ZBTB24: variants seen among roughly 807,000 people sequenced by gnomAD.
ZBTB24 encodes the protein zinc finger and BTB domain containing 24.
Under a neutral mutation model 53.8 loss-of-function variants are expected in ZBTB24, and 32 were observed. The observed-to-expected ratio is 0.60, with a 90% CI of 0.45 to 0.80. The LOEUF (loss-of-function observed/expected upper bound fraction) is 0.80, where lower values mean the gene tolerates loss of function less well. Ranked by LOEUF, ZBTB24 falls within the 30% of genes least tolerant of loss-of-function variation. ZBTB24 has a pLI of 0.00. For missense variants in ZBTB24, 722 were observed against 837.1 expected, an observed-to-expected ratio of 0.86 and a Z score of 1.70; for synonymous variants, 297 against 306.7, an observed-to-expected ratio of 0.97 and a Z score of 0.33.
Position 109,464,349 on chromosome 6 carries a change from T to C in ZBTB24, c.*1502A>G, listed in dbSNP as rs1775981623. 1 of 152,208 alleles carries C rather than the reference T, an allele frequency of 6.6e-6. No homozygotes were observed. The highest frequency in any genetic ancestry group is 1.5e-5 in the Non-Finnish European group (1 of 68,028). 9.4% of individuals were successfully genotyped at this position (152,208 alleles called of 1,614,324 possible). Reference sequence around the variant, plus strand: ...ATTACTCTAACCTCCAAATAACTTATTTGATTTAGGGAGAAATCAAGGATG... The same window carrying C: ...ATTACTCTAACCTCCAAATAACTTACTTGATTTAGGGAGAAATCAAGGATG... On this transcript the variant is annotated 3_prime_UTR_variant, in exon 7 of 7. Coordinates refer to ENST00000230122, the MANE Select transcript of ZBTB24 (RefSeq NM_014797.3).
chr6:109,480,825 C>T (rs1776389047), intron 2 of ZBTB24: 1 of 606,384 alleles, frequency 1.6e-6, no homozygotes, highest in East Asian at 1.4e-4. Flanking sequence ...AACTTGGTTG[C>T]TTCATCTGTA....
Position 109,481,652 on chromosome 6 carries a change from G to A in ZBTB24, c.375C>T (p.Tyr125=), listed in dbSNP as rs1776418839. Residue 125 remains tyrosine, a synonymous_variant, in exon 2 of 7, where the codon TAC becomes TAT. Coordinates refer to ENST00000230122, the MANE Select transcript of ZBTB24 (RefSeq NM_014797.3). ...FLKVYDLVKA[Y]TDFQNNHSSP... ...AGCTATGATTATTTTGGAAGTCTGT[G>A]TAAGCCTTTACCAGGTCATAGACTT... 3 of 1,614,228 alleles carry A rather than the reference G, an allele frequency of 1.9e-6. No individual in the cohort carries two copies. The highest frequency in any genetic ancestry group is 4.5e-5 in the East Asian group (2 of 44,894).
chr6:109,481,051 A>C, intron 2 of ZBTB24, 24 bp downstream of exon 2: 2 of 1,611,402 alleles, frequency 1.2e-6, no homozygotes, highest in Non-Finnish European at 1.7e-6. Context: ...AACACACTGC[A>C]ATCAGCTTTG....
intron 5 of ZBTB24, among the ~76,000 whole-genome samples, chr6:109,471,020 A>G (rs115849030): frequency 0.014 from 2,168 of 152,366 alleles, 52 homozygotes; most frequent in African/African-American, 0.049. Context: ...AATGCTGCCT[A>G]TGATGAATAT....
At chr6:109,479,486 A>G (rs1776350576) in intron 2 of ZBTB24, among the ~76,000 whole-genome samples, 1 of 152,228 alleles carries the variant, frequency 6.6e-6, no homozygotes, top group African/African-American at 2.4e-5. Flanking sequence ...CTGCTTTCAC[A>G]CTATTGTAAA....
In ZBTB24 at chr6:109,476,144, C is replaced by G. The variant is rs774717724; in HGVS notation, c.1204+31G>C. The stretch of plus-strand genomic sequence containing the variant: ...ACAATTCTTATTTGCATTTCTTCCC[C>G]CCCAATCTAAATGTTCTCACTTTAT... On this transcript the variant is annotated intron_variant, in intron 4 of 6. Coordinates refer to ENST00000230122, the MANE Select transcript of ZBTB24 (RefSeq NM_014797.3). The G allele has an allele frequency of 4.4e-6, 7 of 1,607,380 alleles. No homozygotes were observed. In the Admixed American group the frequency reaches 6.7e-5, roughly 15 times the overall value.
Position 109,482,014 on chromosome 6 carries a change from A to C in ZBTB24, c.13T>G (p.Ser5Ala), listed in dbSNP as rs747833972. 5.0e-6 allele frequency: 8 copies of C among 1,614,086 alleles called. No individual in the cohort carries two copies. Among genetic ancestry groups the C allele is most frequent in the Non-Finnish European group, 6.8e-6 (8 of 1,180,024 alleles). The change falls in exon 2 of 7, where the codon TCG becomes GCG. Residue 5 changes from serine (S) to alanine (A), a missense_variant. Ser to Ala is a moderately conservative substitution (Grantham distance 99). Coordinates refer to ENST00000230122, the MANE Select transcript of ZBTB24 (RefSeq NM_014797.3). Reference sequence around the variant, plus strand: ...ACAAGCTGCCCAGAAGGCTCTGGCGATGTTTCTGCCATTTTCTTCAGAAGC... The same window carrying C: ...ACAAGCTGCCCAGAAGGCTCTGGCGCTGTTTCTGCCATTTTCTTCAGAAGC... The part of the protein sequence containing the change: MAET[S>A]PEPSGQLVVH...
At position 109,465,531 on chromosome 6, in the gene ZBTB24, T is replaced by G; in HGVS notation, c.*320A>C. The G allele has an allele frequency of 1.0e-6, 1 of 983,108 alleles. No individual in the cohort carries two copies. Among genetic ancestry groups the G allele is most frequent in the Non-Finnish European group, 1.5e-6 (1 of 674,758 alleles). The allele number at this position is 983,108 out of a possible 1,614,324, so 60.9% of individuals were successfully genotyped here. A position where few individuals can be genotyped will look rare whatever the true frequency, so the allele number is the denominator to read the frequency against. On this transcript the variant is annotated 3_prime_UTR_variant, in exon 7 of 7. Transcript: ENST00000230122. ...GGTTGGCAAGACCATAACCTATGGC[T>G]GTGAACATTTAAACCTTACAGAAAA...
Position 109,465,934 on chromosome 6 carries a change from G to A in ZBTB24, c.2011C>T (p.Leu671=). Residue 671 remains leucine (L), a synonymous_variant, in exon 7 of 7, where the codon CTG becomes TTG. Coordinates refer to ENST00000230122, the MANE Select transcript of ZBTB24 (RefSeq NM_014797.3). ...ATSTSDPAQH[L]QLTQEPGPPP... ...GGACCAGGCTCCTGTGTCAGCTGCA[G>A]GTGCTGAGCTGGATCTGAAGTACTT... The A allele has an allele frequency of 1.2e-6, 2 of 1,614,208 alleles. No homozygotes were observed. The highest frequency in any genetic ancestry group is 1.7e-6 in the Non-Finnish European group (2 of 1,180,040).
chr6:109,481,095 A>C lies in ZBTB24; in HGVS notation c.932T>G (p.Ile311Ser). The change falls in exon 2 of 7, where the codon ATC becomes AGC. Residue 311 changes from isoleucine to serine, a missense_variant. By Grantham distance (142) the Ile-to-Ser change is moderately radical. Transcript: ENST00000230122. ...KVFKYNHFLA[I>S]HQRSHTGERP... ...ATTACCTGTGTGGCTCCTCTGGTGG[A>C]TTGCTAAAAAGTGATTGTACTTAAA... 1 of 1,614,130 alleles carries C rather than the reference A, an allele frequency of 6.2e-7. No homozygotes were observed. The highest frequency in any genetic ancestry group is 2.2e-5 in the East Asian group (1 of 44,886).
chr6:109,480,982 C>G (rs1776393053), intron 2 of ZBTB24, 93 bp downstream of exon 2: 2 of 1,559,904 alleles, frequency 1.3e-6, no homozygotes, highest in Non-Finnish European at 1.7e-6. Flanking sequence ...CAATGCCCAT[C>G]ACACAGAAGT....
intron 3 of ZBTB24, 109 bp downstream of exon 3, chr6:109,476,654 C>A: frequency 7.0e-7 from 1 of 1,437,070 alleles, no homozygotes; most frequent in Non-Finnish European, 9.5e-7. Flanking sequence ...TTCAATGACA[C>A]CACGTTGGAA....
chr6:109,477,416 G>T (rs1302601871), intron 2 of ZBTB24, among the ~76,000 whole-genome samples: 1 of 152,116 alleles, frequency 6.6e-6, no homozygotes, highest in Non-Finnish European at 1.5e-5. Flanking sequence ...CTCCCAAATT[G>T]CTGGGAGTAC....
rs529371143 is a variant in ZBTB24 at position 109,471,128 on chromosome 6, A to G, written c.1289-3394T>C. On this transcript the variant is annotated intron_variant, in intron 5 of 6. Coordinates refer to ENST00000230122, the MANE Select transcript of ZBTB24 (RefSeq NM_014797.3). ...GTTCCCAAATTATATTCCCACCAAC[A>G]ATAAATAAAGATGTGCATTTCCTCA... Among the ~76,000 whole-genome samples the G allele has an allele frequency of 4.8e-4, 73 of 152,374 alleles. 2 individuals are homozygous for G. In the South Asian group the frequency reaches 0.015, roughly 31 times the overall value.
chr6:109,482,530 T>C (rs1295841060), intron 1 of ZBTB24, among the ~76,000 whole-genome samples: 2 of 149,594 alleles, frequency 1.3e-5, no homozygotes, highest in African/African-American at 2.5e-5. Context: ...TCTCGCTCTA[T>C]CGCCCAGGCT....
Position 109,481,517 on chromosome 6 carries a change from T to G in ZBTB24, c.510A>C (p.Thr170=). The G allele has an allele frequency of 6.2e-7, 1 of 1,614,242 alleles. No homozygotes were observed. Residue 170 remains threonine (T), a synonymous_variant, in exon 2 of 7, where the codon ACA becomes ACC. Transcript: ENST00000230122. ...RKRGRPKKVN[T]LQEEKSELAA... ...CCAGTTCTGATTTCTCCTCCTGCAA[T>G]GTATTGACTTTTTTTGGTCTTCCCC...
At chr6:109,480,352 G>A (rs74722211) in intron 2 of ZBTB24, among the ~76,000 whole-genome samples, 6,476 of 152,092 alleles carry the variant, frequency 0.043, 175 homozygotes, top group South Asian at 0.09. Flanking sequence ...TGTCCAATAC[G>A]GTAGCCACTA....
chr6:109,468,633 A>T (rs947965919), intron 5 of ZBTB24, among the ~76,000 whole-genome samples: 2 of 151,968 alleles, frequency 1.3e-5, no homozygotes, highest in Admixed American at 6.6e-5. Context: ...ATAATGTATA[A>T]GTTATTTATT....
chr6:109,482,875 A>G (rs1260052787), intron 1 of ZBTB24, among the ~76,000 whole-genome samples: 1 of 152,224 alleles, frequency 6.6e-6, no homozygotes, highest in Non-Finnish European at 1.5e-5. Flanking sequence ...GCAATAAAAT[A>G]CTAATAACTT....
Sources: allele counts gnomAD v4.1 joint callset (sites outside exome capture counted in the v4.1 genomes callset), GRCh38; gene constraint gnomAD v4.1.1; transcripts MANE v1.5; gene names NCBI Gene and HGNC (gene_info 2026-07-23, HGNC 2026-07-21).